The following ANKMY1 variants were observed in gnomAD, a reference collection of about 807,000 sequenced individuals.
The protein encoded by ANKMY1 is ankyrin repeat and MYND domain containing 1.
In ANKMY1, 98 loss-of-function variants were observed where a neutral mutation model predicts 102.0. The ratio of observed to expected loss-of-function variants is 0.96; its 90% CI spans 0.82 to 1.14. The LOEUF (loss-of-function observed/expected upper bound fraction) is 1.14, where lower values mean the gene tolerates loss of function less well. Among genes scored for constraint, ANKMY1 ranks in the 50% most tolerant of loss-of-function variants. The probability of loss-of-function intolerance (pLI) is 0.00; values close to 1 mark genes in which losing one functional copy is unlikely to be tolerated. For synonymous variants in ANKMY1, 582 were observed against 559.9 expected (o/e 1.04, Z -0.56); for missense variants, 1,330 against 1,347.6 (o/e 0.99, Z 0.20).
At chr2:240,559,595 GA>G (rs565016313), upstream of ANKMY1, among the ~76,000 whole-genome samples, 25 of 152,058 alleles carry the variant, frequency 1.6e-4, no homozygotes, top group East Asian at 4.4e-3. Context: ...GAACGCCAGG[GA>G]AAAAAAGGGA....
At position 240,554,937 on chromosome 2, in the gene ANKMY1, A is replaced by C. The variant is rs1369256690; in HGVS notation, c.265T>G (p.Cys89Gly). The C allele has an allele frequency of 1.9e-6, 3 of 1,614,186 alleles. No individual in the cohort carries two copies. The highest frequency in any genetic ancestry group is 2.5e-6 in the Non-Finnish European group (3 of 1,180,030). The change falls in exon 3 of 18, where the codon TGC (cysteine) becomes GGC (glycine). Residue 89 changes from cysteine (C) to glycine (G), a missense_variant. By Grantham distance (159) the Cys-to-Gly change is radical (BLOSUM62 -3). Transcript: ENST00000401804. The part of the protein sequence containing the change: ...VQGVQEWQDG[C>G]MYQGEFGLNM... ...AACCCAAACTCCCCCTGGTACATGCAACCATCCTGCCACTCCTGCACACCC... is the reference window on the plus strand; with the variant it reads ...AACCCAAACTCCCCCTGGTACATGCCACCATCCTGCCACTCCTGCACACCC...
At chr2:240,554,819 A>G in intron 3 of ANKMY1, 47 bp downstream of exon 3, 2 of 1,603,410 alleles carry the variant, frequency 1.2e-6, no homozygotes, top group Admixed American at 3.4e-5. Flanking sequence ...AAGGCCAGCC[A>G]CCAGAGGCCC....
intron 15 of ANKMY1, among the ~76,000 whole-genome samples, chr2:240,492,632 T>C (rs2076780436): frequency 6.6e-6 from 1 of 152,250 alleles, no homozygotes; most frequent in Non-Finnish European, 1.5e-5. Flanking sequence ...TTCTAATTTA[T>C]TTGTATTGTT....
chr2:240,554,813 C>A (rs1210537953), intron 3 of ANKMY1, 53 bp downstream of exon 3: 146 of 1,596,962 alleles, frequency 9.1e-5, no homozygotes, highest in Non-Finnish European at 1.2e-4. Flanking sequence ...AGGATAAAGG[C>A]CAGCCACCAG....
At chr2:240,483,235 C>T (rs768304034) in intron 15 of ANKMY1, among the ~76,000 whole-genome samples, 1 of 152,106 alleles carries the variant, frequency 6.6e-6, no homozygotes, top group Non-Finnish European at 1.5e-5. Flanking sequence ...TGGCTCACTG[C>T]AACCTTCGCC....
At chr2:240,519,312 G>C (rs932011480) in intron 9 of ANKMY1, among the ~76,000 whole-genome samples, 3 of 152,310 alleles carry the variant, frequency 2.0e-5, no homozygotes, top group Middle Eastern at 3.4e-3. Flanking sequence ...AATGATTGTA[G>C]GGTCCTTCAA....
chr2:240,552,487 C>G (rs543046731), intron 4 of ANKMY1, among the ~76,000 whole-genome samples: 1 of 152,050 alleles, frequency 6.6e-6, no homozygotes, highest in African/African-American at 2.4e-5. Flanking sequence ...GTTACACAAC[C>G]CTGTAATTGT....
intron 5 of ANKMY1, chr2:240,526,808 T>A (rs2083543513): frequency 8.3e-7 from 1 of 1,201,436 alleles, no homozygotes. Context: ...TACATGTGGT[T>A]CCAGTCTCAG....
chr2:240,524,226 G>T lies in ANKMY1; in HGVS notation c.1491C>A (p.Ser497Arg). ...APLLLPRVSGSHEGGHFQDTG... is the reference protein window; with the variant it reads ...APLLLPRVSGRHEGGHFQDTG... Reference sequence around the variant, plus strand: ...TGTCCTGGAAGTGGCCGCCCTCGTGGCTGCCTGAGACGCGTGGCAGGAGCA... The same window carrying T: ...TGTCCTGGAAGTGGCCGCCCTCGTGTCTGCCTGAGACGCGTGGCAGGAGCA... The change falls in exon 8 of 18, where the codon AGC (serine) becomes AGA (arginine). Residue 497 changes from serine (S) to arginine (R), a missense_variant. By Grantham distance (110) the Ser-to-Arg change is moderately radical. Coordinates refer to ENST00000401804, the MANE Select transcript of ANKMY1 (RefSeq NM_001282771.3). 1 of 1,613,924 alleles carries T rather than the reference G, an allele frequency of 6.2e-7. No individual in the cohort carries two copies. The highest frequency in any genetic ancestry group is 8.5e-7 in the Non-Finnish European group (1 of 1,180,030).
At chr2:240,560,612 A>G, upstream of ANKMY1, 1 of 1,361,392 alleles carries the variant, frequency 7.3e-7, no homozygotes, top group Non-Finnish European at 9.4e-7. Context: ...TCCCACAAAT[A>G]GACTCCTGGG....
In ANKMY1 at chr2:240,526,316, G is replaced by T; in HGVS notation, c.1083C>A (p.His361Gln). Residue 361 changes from histidine to glutamine, a missense_variant, in exon 6 of 18, where the codon CAC (histidine) becomes CAA (glutamine). By Grantham distance (24) the His-to-Gln change is conservative. Transcript: ENST00000401804. Reference sequence around the variant, plus strand: ...CCTTCAGGATCCTACAAATCCATTCGTGGTTCCCTTCCTCAGCCTTTAGGA... The same window carrying T: ...CCTTCAGGATCCTACAAATCCATTCTTGGTTCCCTTCCTCAGCCTTTAGGA... ...EMILKAEEGN[H>Q]EWICRILKDN... 3 of 1,614,194 alleles carry T rather than the reference G, an allele frequency of 1.9e-6. No individual in the cohort carries two copies. The highest frequency in any genetic ancestry group is 2.5e-6 in the Non-Finnish European group (3 of 1,180,032).
the ANKMY1 span, among the ~76,000 whole-genome samples, chr2:240,470,442 C>T: frequency 6.6e-6 from 1 of 152,230 alleles, no homozygotes; most frequent in Non-Finnish European, 1.5e-5. Flanking sequence ...CACTGCCCAG[C>T]AAGCTCTCCC....
chr2:240,495,907 C>T (rs1559248580), intron 15 of ANKMY1, among the ~76,000 whole-genome samples: 1 of 152,214 alleles, frequency 6.6e-6, no homozygotes, highest in Non-Finnish European at 1.5e-5. Flanking sequence ...CCTCCTTCCC[C>T]ACTTTTGGTG....
intron 10 of ANKMY1, 84 bp from the exon 11 acceptor site, chr2:240,512,085 C>G: frequency 7.0e-7 from 1 of 1,429,322 alleles, no homozygotes; most frequent in Non-Finnish European, 9.1e-7. Flanking sequence ...GAGCTTCCTC[C>G]CCAGCCTGCG....
chr2:240,516,856 G>T (rs761960605), intron 9 of ANKMY1, among the ~76,000 whole-genome samples: 1 of 152,216 alleles, frequency 6.6e-6, no homozygotes, highest in Admixed American at 6.5e-5. Context: ...GGAGGTGACT[G>T]CATGGACTGA....
chr2:240,545,064 A>G (rs2090026248), intron 4 of ANKMY1, among the ~76,000 whole-genome samples: 1 of 152,202 alleles, frequency 6.6e-6, no homozygotes, highest in Admixed American at 6.5e-5. Context: ...CAGGGCACAG[A>G]CACACAAAAA....
chr2:240,503,559 T>A (rs756393794), intron 13 of ANKMY1, among the ~76,000 whole-genome samples: 3 of 152,116 alleles, frequency 2.0e-5, no homozygotes, highest in Non-Finnish European at 2.9e-5. Flanking sequence ...TCTGGGACAA[T>A]CTTTAGAAAG....
chr2:240,474,016 A>T, the ANKMY1 span, among the ~76,000 whole-genome samples: 5 of 152,336 alleles, frequency 3.3e-5, no homozygotes, highest in Admixed American at 3.3e-4. Flanking sequence ...TCCTTGCCAG[A>T]GCAATTAGCA....
At chr2:240,535,133 C>A (rs2086409735) in intron 4 of ANKMY1, among the ~76,000 whole-genome samples, 1 of 152,168 alleles carries the variant, frequency 6.6e-6, no homozygotes, top group Non-Finnish European at 1.5e-5. Context: ...CATGACACAG[C>A]CCTCAGGAGG....
Sources: gnomAD v4.1 joint callset for allele counts (sites outside exome capture counted in the v4.1 genomes callset) on GRCh38, gnomAD v4.1.1 for gene constraint, MANE v1.5 for transcripts, NCBI Gene and HGNC (gene_info 2026-07-23, HGNC 2026-07-21) for gene names.